Variants in RB1CC1 observed in about 807,000 individuals in gnomAD.
RB1CC1 encodes RB1 inducible coiled-coil 1, also known as RB1-inducible coiled-coil protein 1.
A neutral mutation model predicts 177.5 loss-of-function variants in RB1CC1; 46 were observed. The ratio of observed to expected loss-of-function variants is 0.26; its 90% CI spans 0.20 to 0.33. The LOEUF (loss-of-function observed/expected upper bound fraction) is 0.33, where lower values mean the gene tolerates loss of function less well. Among genes scored for constraint, RB1CC1 ranks in the 10% least tolerant of loss-of-function variants. The pLI is 1.00. For synonymous variants in RB1CC1, 666 were observed against 613.6 expected, an observed-to-expected ratio of 1.09 and a Z score of -1.26; for missense variants, 1,703 against 1,816.3, an observed-to-expected ratio of 0.94 and a Z score of 1.13.
intron 6 of RB1CC1, among the ~76,000 whole-genome samples, chr8:52,674,585 A>G (rs559771025): frequency 1.1e-4 from 16 of 152,230 alleles, no homozygotes; most frequent in African/African-American, 3.1e-4. Flanking sequence ...CCTGGCCAAC[A>G]CGGCAAAACC....
At chr8:52,668,309 A>C in intron 7 of RB1CC1, 118 bp from the exon 8 acceptor site, 2 of 1,146,828 alleles carry the variant, frequency 1.7e-6, no homozygotes, top group South Asian at 3.2e-5. Flanking sequence ...TAAAAAAGCA[A>C]AAGCATGGGA....
chr8:52,629,188 G>A (rs530684555), intron 21 of RB1CC1, among the ~76,000 whole-genome samples: 3 of 152,098 alleles, frequency 2.0e-5, no homozygotes, highest in Admixed American at 6.5e-5. Flanking sequence ...CAGAATCACA[G>A]ATATCTGACA....
intron 22 of RB1CC1, 61 bp downstream of exon 22, chr8:52,627,971 T>C: frequency 1.4e-6 from 2 of 1,406,226 alleles, no homozygotes; most frequent in South Asian, 3.0e-5. Flanking sequence ...GAAAAAAAAA[T>C]CTTTACTTAT....
At chr8:52,712,440 TG>T (rs1213239426) in intron 1 of RB1CC1, among the ~76,000 whole-genome samples, 1 of 149,706 alleles carries the variant, frequency 6.7e-6, no homozygotes, top group Non-Finnish European at 1.5e-5. Context: ...TTTATGAACT[TG>T]ATTTGCTAAA....
intron 12 of RB1CC1, among the ~76,000 whole-genome samples, chr8:52,659,978 C>G (rs1851467240): frequency 6.6e-6 from 1 of 152,220 alleles, no homozygotes; most frequent in Non-Finnish European, 1.5e-5. Flanking sequence ...GCCTGGACAA[C>G]AGAGCAAGAC....
chr8:52,649,901 T>C (rs1363311401), intron 15 of RB1CC1, among the ~76,000 whole-genome samples: 1 of 152,248 alleles, frequency 6.6e-6, no homozygotes, highest in Non-Finnish European at 1.5e-5. Flanking sequence ...CCAAATTAAA[T>C]AGAAGATATT....
chr8:52,658,579 GAAA>G (rs67680393), intron 13 of RB1CC1, among the ~76,000 whole-genome samples: 2,466 of 98,858 alleles, frequency 0.025, 35 homozygotes, highest in African/African-American at 0.089. Flanking sequence ...TCCGTCTCAA[GAAA>G]AAAAAAAAAA....
At chr8:52,624,394 A>G (rs1032037107) in intron 23 of RB1CC1, among the ~76,000 whole-genome samples, 15 of 152,040 alleles carry the variant, frequency 9.9e-5, no homozygotes, top group Admixed American at 4.6e-4. Flanking sequence ...GTATTTATAA[A>G]TAAAATTCCC....
Position 52,636,076 on chromosome 8 carries a change from G to C in RB1CC1, c.4338-7C>G. On this transcript the variant is annotated splice_region_variant and splice_polypyrimidine_tract_variant and intron_variant, in intron 18 of 23. Transcript: ENST00000025008. The stretch of plus-strand genomic sequence containing the variant: ...CAACATATGAATATTTTCTCTAAAA[G>C]TGAGAATAATTGAGTTTCAGTTTGA... 6.2e-7 allele frequency: 1 copy of C among 1,601,766 alleles called. No homozygotes were observed. The highest frequency in any genetic ancestry group is 8.5e-7 in the Non-Finnish European group (1 of 1,176,346).
chr8:52,643,223 T>C (rs1277235039), intron 16 of RB1CC1: 1 of 155,594 alleles, frequency 6.4e-6, no homozygotes, highest in South Asian at 2.0e-4. Flanking sequence ...TCCTTATTTC[T>C]CTTATTTGGA....
At chr8:52,679,386 C>T (rs987300792) in intron 5 of RB1CC1, among the ~76,000 whole-genome samples, 1 of 152,202 alleles carries the variant, frequency 6.6e-6, no homozygotes, top group Admixed American at 6.5e-5. Context: ...TGACCTGAAA[C>T]AAAGGCCTAT....
At position 52,684,639 on chromosome 8, in the gene RB1CC1, A is replaced by AT. The variant is rs1269335195; in HGVS notation, c.72-627dup. On this transcript the variant is annotated intron_variant, in intron 3 of 23. Coordinates refer to ENST00000025008, the MANE Select transcript of RB1CC1 (RefSeq NM_014781.5). ...AAATTTGGATGAAAATATTAAATTT[A>AT]TCTTTTCTCTCCTTAACAAACAAAA... 8.2e-4 allele frequency among the ~76,000 whole-genome samples: 125 copies of AT among 152,284 alleles called. 1 individual carries two copies. Among genetic ancestry groups the AT allele is most frequent in the African/African-American group, 2.9e-3 (120 of 41,566 alleles).
intron 1 of RB1CC1, among the ~76,000 whole-genome samples, chr8:52,704,098 T>TA (rs1276683897): frequency 2.6e-5 from 4 of 152,012 alleles, no homozygotes; most frequent in African/African-American, 9.7e-5. Context: ...CACCCTGAAA[T>TA]AAAAAATACT....
At position 52,656,560 on chromosome 8, in the gene RB1CC1, T is replaced by C. The variant is rs1289686055; in HGVS notation, c.3269A>G (p.Lys1090Arg). The change falls in exon 15 of 24, where the codon AAA (lysine) becomes AGA (arginine). Residue 1090 changes from lysine (K) to arginine (R), a missense_variant. Physicochemically the swap from Lys to Arg is conservative, Grantham distance 26. Transcript: ENST00000025008. ...ESRAQQKETL[K>R]SLLEQETENL... The stretch of plus-strand genomic sequence containing the variant: ...TTCTGTCTCTTGTTCAAGAAGAGAT[T>C]TCAAGGTCTCCTTCTGCTGGGCTCT... 2 of 1,611,226 alleles carry C rather than the reference T, an allele frequency of 1.2e-6. No homozygotes were observed. Among genetic ancestry groups the C allele is most frequent in the African/African-American group, 1.3e-5 (1 of 74,766 alleles).
chr8:52,709,783 T>C (rs1856903785), intron 1 of RB1CC1, among the ~76,000 whole-genome samples: 1 of 152,210 alleles, frequency 6.6e-6, no homozygotes, highest in Admixed American at 6.5e-5. Flanking sequence ...CGCTTCCTTA[T>C]ATGATAAGGT....
At chr8:52,660,720 T>C (rs987653008) in intron 11 of RB1CC1, 63 bp from the exon 12 acceptor site, 2 of 1,432,548 alleles carry the variant, frequency 1.4e-6, no homozygotes, top group African/African-American at 2.9e-5. Context: ...AAATTATCTC[T>C]GGTTTTTGAA....
chr8:52,713,964 T>C, intron 1 of RB1CC1, 111 bp downstream of exon 1: 1 of 224,198 alleles, frequency 4.5e-6, no homozygotes, highest in Non-Finnish European at 9.3e-6. Flanking sequence ...TGGGCCGGGC[T>C]CAGGCCGACC....
chr8:52,671,090 A>T (rs914893567), intron 7 of RB1CC1, among the ~76,000 whole-genome samples: 8 of 152,238 alleles, frequency 5.3e-5, no homozygotes, highest in Admixed American at 2.0e-4. Context: ...CAAAACTAGC[A>T]TCTCTTAATC....
At chr8:52,642,279 TC>T (rs1324293651) in intron 18 of RB1CC1, 71 bp downstream of exon 18, 2 of 1,517,476 alleles carry the variant, frequency 1.3e-6, no homozygotes, top group Non-Finnish European at 1.8e-6. Flanking sequence ...TAAAAATATT[TC>T]CTCTCTTCAG....
Sources: gnomAD v4.1 joint callset for allele counts (sites outside exome capture counted in the v4.1 genomes callset) on GRCh38, gnomAD v4.1.1 for gene constraint, MANE v1.5 for transcripts, NCBI Gene and HGNC (gene_info 2026-07-23, HGNC 2026-07-21) for gene names.